The following ITFG1 variants were observed in gnomAD, a reference collection of about 807,000 sequenced individuals.
ITFG1 encodes integrin alpha FG-GAP repeat containing 1, also known as T-cell immunomodulatory protein.
Under a neutral mutation model 81.8 loss-of-function variants are expected in ITFG1, and 34 were observed. The observed-to-expected ratio is 0.42, with a 90% CI of 0.32 to 0.55. ITFG1 has a LOEUF of 0.55. ITFG1 is among the 20% of genes least tolerant of loss of function. The pLI, the probability that ITFG1 is intolerant of heterozygous loss-of-function variation, is 0.17. For synonymous variants in ITFG1, 285 were observed against 270.6 expected, an observed-to-expected ratio of 1.05 and a Z score of -0.52; for missense variants, 672 against 755.4, an observed-to-expected ratio of 0.89 and a Z score of 1.29.
At chr16:47,434,061 A>T (rs1224024235) in intron 5 of ITFG1, among the ~76,000 whole-genome samples, 2 of 151,348 alleles carry the variant, frequency 1.3e-5, no homozygotes, top group African/African-American at 2.4e-5. Context: ...AATTAACTCA[A>T]GATGGATTAA....
chr16:47,276,286 A>T (rs1966398268), intron 10 of ITFG1, among the ~76,000 whole-genome samples: 1 of 152,166 alleles, frequency 6.6e-6, no homozygotes, highest in Non-Finnish European at 1.5e-5. Context: ...AAAAAATCTC[A>T]TTCAATAACA....
chr16:47,258,707 A>G lies in ITFG1; in HGVS notation c.1255T>C (p.Tyr419His). 6.4e-7 allele frequency: 1 copy of G among 1,555,334 alleles called. No individual in the cohort carries two copies. Among genetic ancestry groups the G allele is most frequent in the Non-Finnish European group, 8.7e-7 (1 of 1,143,952 alleles). The change falls in exon 12 of 18, where the codon TAT becomes CAT. Residue 419 changes from tyrosine (Y) to histidine (H), a missense_variant. Coordinates refer to ENST00000320640, the MANE Select transcript of ITFG1 (RefSeq NM_030790.5). The part of the protein sequence containing the change: ...ILDIVVLSKG[Y>H]TKNDFAIHTL... ...TGAATGGCAAAATCATTCTTTGTAT[A>G]TCCTTTACTTAGCACTACAATGTCC...
At chr16:47,345,337 G>C (rs1967838412) in intron 8 of ITFG1, among the ~76,000 whole-genome samples, 1 of 149,552 alleles carries the variant, frequency 6.7e-6, no homozygotes, top group African/African-American at 2.5e-5. Flanking sequence ...GTCTCACTCT[G>C]TCGCCCAGGC....
intron 14 of ITFG1, among the ~76,000 whole-genome samples, chr16:47,184,633 A>C (rs1965184640): frequency 6.6e-6 from 1 of 152,146 alleles, no homozygotes; most frequent in Non-Finnish European, 1.5e-5. Context: ...AGGAAGCGCT[A>C]AACATGGAAA....
intron 14 of ITFG1, among the ~76,000 whole-genome samples, chr16:47,208,182 G>A (rs77361772): frequency 6.6e-6 from 1 of 152,098 alleles, no homozygotes. Flanking sequence ...GCTAAGACTA[G>A]AGAACCTGGA....
chr16:47,411,749 G>A (rs967151287), intron 6 of ITFG1, among the ~76,000 whole-genome samples: 2 of 152,140 alleles, frequency 1.3e-5, no homozygotes, highest in African/African-American at 4.8e-5. Context: ...AATGATTGGA[G>A]GTGGCTCCCA....
intron 14 of ITFG1, among the ~76,000 whole-genome samples, chr16:47,173,620 T>A (rs897088233): frequency 7.9e-5 from 12 of 152,206 alleles, no homozygotes; most frequent in African/African-American, 2.9e-4. Context: ...ATAAATACAT[T>A]AAAGGCATTT....
chr16:47,442,503 C>T (rs906599654), intron 5 of ITFG1, among the ~76,000 whole-genome samples: 7 of 152,168 alleles, frequency 4.6e-5, no homozygotes, highest in African/African-American at 1.7e-4. Context: ...TCAAACTATA[C>T]TACAAGGCTA....
At chr16:47,315,962 T>G (rs1967350797) in intron 8 of ITFG1, among the ~76,000 whole-genome samples, 1 of 152,006 alleles carries the variant, frequency 6.6e-6, no homozygotes, top group Non-Finnish European at 1.5e-5. Flanking sequence ...GGCTAACTTT[T>G]GTATATTCAG....
At chr16:47,395,422 G>A (rs1353188527) in intron 6 of ITFG1, among the ~76,000 whole-genome samples, 1 of 152,156 alleles carries the variant, frequency 6.6e-6, no homozygotes, top group Non-Finnish European at 1.5e-5. Context: ...GCCGTAAATT[G>A]TCATTCTGAT....
In ITFG1 at chr16:47,274,303, A is replaced by G. The variant is rs145425035; in HGVS notation, c.1071-13608T>C. On this transcript the variant is annotated intron_variant, in intron 10 of 17. Coordinates refer to ENST00000320640, the MANE Select transcript of ITFG1 (RefSeq NM_030790.5). Reference sequence around the variant, plus strand: ...ACCAAATGTAAGATTCAATCTTATCATCTTGAGAAAAGTTTGACCATGCTG... The same window carrying G: ...ACCAAATGTAAGATTCAATCTTATCGTCTTGAGAAAAGTTTGACCATGCTG... 7.5e-3 allele frequency among the ~76,000 whole-genome samples: 1,149 copies of G among 152,242 alleles called. 18 individuals carry two copies. The highest frequency in any genetic ancestry group is 0.026 in the African/African-American group (1,089 of 41,546).
At chr16:47,160,580 G>A (rs1427764461) in intron 16 of ITFG1, among the ~76,000 whole-genome samples, 1 of 151,840 alleles carries the variant, frequency 6.6e-6, no homozygotes, top group African/African-American at 2.4e-5. Context: ...TACAATACAG[G>A]CTCATTAAAA....
At chr16:47,252,226 GATT>G (rs1321788067) in intron 12 of ITFG1, among the ~76,000 whole-genome samples, 1 of 152,078 alleles carries the variant, frequency 6.6e-6, no homozygotes, top group African/African-American at 2.4e-5. Flanking sequence ...ATTAAGAAAG[GATT>G]TATAAAATGG....
chr16:47,457,563 T>C (rs148875291), intron 2 of ITFG1, among the ~76,000 whole-genome samples: 23 of 152,262 alleles, frequency 1.5e-4, no homozygotes, highest in African/African-American at 3.8e-4. Context: ...AAGAATCAGC[T>C]ACAGGTTTTA....
intron 14 of ITFG1, among the ~76,000 whole-genome samples, chr16:47,179,182 A>G (rs1312301577): frequency 2.0e-5 from 3 of 152,232 alleles, no homozygotes; most frequent in Non-Finnish European, 2.9e-5. Context: ...TTCCTCAAGG[A>G]TCTAGAACTA....
At chr16:47,296,325 T>C (rs1426359202) in intron 10 of ITFG1, among the ~76,000 whole-genome samples, 3 of 152,026 alleles carry the variant, frequency 2.0e-5, no homozygotes, top group Non-Finnish European at 4.4e-5. Flanking sequence ...GGTTTTAACA[T>C]ATTGTTTCCA....
intron 13 of ITFG1, among the ~76,000 whole-genome samples, chr16:47,231,404 G>GA (rs376154583): frequency 2.9e-4 from 44 of 150,750 alleles, no homozygotes; most frequent in African/African-American, 8.0e-4. Context: ...ATATTTGAAG[G>GA]AAAAAAAAAT....
At chr16:47,349,215 A>G (rs1436069333) in intron 8 of ITFG1, among the ~76,000 whole-genome samples, 1 of 152,238 alleles carries the variant, frequency 6.6e-6, no homozygotes, top group Non-Finnish European at 1.5e-5. Context: ...TAACAATATT[A>G]ACATTACATG....
At chr16:47,258,924 T>A (rs1966172826) in intron 11 of ITFG1, among the ~76,000 whole-genome samples, 184 bp from the exon 12 acceptor site, 1 of 152,150 alleles carries the variant, frequency 6.6e-6, no homozygotes, top group Non-Finnish European at 1.5e-5. Flanking sequence ...AATAGTAAAA[T>A]ATAAATAAAA....
Sources: allele counts gnomAD v4.1 joint callset (sites outside exome capture counted in the v4.1 genomes callset), GRCh38; gene constraint gnomAD v4.1.1; transcripts MANE v1.5; gene names NCBI Gene and HGNC (gene_info 2026-07-23, HGNC 2026-07-21).